The following MRTFB variants were observed in gnomAD, a reference collection of about 807,000 sequenced individuals.
The protein encoded by MRTFB is myocardin-related transcription factor B.
Under a neutral mutation model 104.2 loss-of-function variants are expected in MRTFB, and 29 were observed. The ratio of observed to expected loss-of-function variants is 0.28; its 90% CI spans 0.21 to 0.38. The LOEUF (loss-of-function observed/expected upper bound fraction) is 0.38. MRTFB is among the 10% of genes least tolerant of loss of function. The pLI is 1.00. For missense variants in MRTFB, 1,270 were observed against 1,341.6 expected, an observed-to-expected ratio of 0.95 and a Z score of 0.83; for synonymous variants, 535 against 519.5, an observed-to-expected ratio of 1.03 and a Z score of -0.41.
At chr16:13,996,699 G>T in the MRTFB span, among the ~76,000 whole-genome samples, 1 of 152,174 alleles carries the variant, frequency 6.6e-6, no homozygotes, top group African/African-American at 2.4e-5. Context: ...TGAGACAAAG[G>T]TCAAGGGGCC....
intron 2 of MRTFB, among the ~76,000 whole-genome samples, chr16:14,108,341 A>G (rs975034334): frequency 2.6e-5 from 4 of 152,242 alleles, no homozygotes; most frequent in Admixed American, 6.5e-5. Context: ...ATGAACTTCT[A>G]GCGTTCAGGA....
At chr16:14,199,555 C>CA (rs550826757) in intron 3 of MRTFB, among the ~76,000 whole-genome samples, 140 of 152,326 alleles carry the variant, frequency 9.2e-4, no homozygotes, top group Non-Finnish European at 1.7e-3. Flanking sequence ...ATGGTCTACC[C>CA]AGGTGCTTAA....
chr16:14,258,213 G>T (rs765793418), intron 16 of MRTFB, 52 bp downstream of exon 16: 3 of 1,481,904 alleles, frequency 2.0e-6, no homozygotes, highest in Non-Finnish European at 2.8e-6. Flanking sequence ...CTTAACCCAA[G>T]TTCATGAAAG....
chr16:14,248,872 T>G, intron 12 of MRTFB, 54 bp from the exon 13 acceptor site: 1 of 1,591,036 alleles, frequency 6.3e-7, no homozygotes, highest in Non-Finnish European at 8.6e-7. Flanking sequence ...AAGTTCTGAT[T>G]TCTAACTTTG....
At chr16:14,142,647 ACAG>A (rs2142617108) in intron 3 of MRTFB, 1 of 152,336 alleles carries the variant, frequency 6.6e-6, no homozygotes, top group Non-Finnish European at 1.5e-5. Context: ...TCAGATTTAC[ACAG>A]TACACTTGGA....
intron 2 of MRTFB, among the ~76,000 whole-genome samples, chr16:14,100,085 T>TA (rs1248536040): frequency 6.6e-6 from 1 of 152,248 alleles, no homozygotes; most frequent in Non-Finnish European, 1.5e-5. Flanking sequence ...GAGTGCCTGT[T>TA]ACTTATTTTT....
chr16:14,224,908 G>T (rs1411023894), intron 8 of MRTFB, among the ~76,000 whole-genome samples: 2 of 152,164 alleles, frequency 1.3e-5, no homozygotes, highest in African/African-American at 4.8e-5. Context: ...AAATTGGCTG[G>T]GCACGGTGGC....
At position 14,216,200 on chromosome 16, in the gene MRTFB, T is replaced by G. The variant is rs533227321; in HGVS notation, c.353-926T>G. Among the ~76,000 whole-genome samples the G allele has an allele frequency of 2.0e-5, 3 of 152,328 alleles. No individual in the cohort carries two copies. In the South Asian group the frequency reaches 6.2e-4, roughly 32 times the overall value. ...CCTAGCCATGTGCTTTCAGTGAGCC[T>G]TGGGCTTCACAAGAATAGTCTATTA... On this transcript the variant is annotated intron_variant, in intron 6 of 16. Coordinates refer to ENST00000571589, the MANE Select transcript of MRTFB (RefSeq NM_001308142.2).
chr16:14,006,516 A>G, the MRTFB span, among the ~76,000 whole-genome samples: 1 of 151,832 alleles, frequency 6.6e-6, no homozygotes, highest in Admixed American at 6.6e-5. Context: ...CTGTCTCAAA[A>G]AAAAAAAAAG....
chr16:14,001,491 C>G, the MRTFB span, among the ~76,000 whole-genome samples: 2 of 152,248 alleles, frequency 1.3e-5, no homozygotes, highest in African/African-American at 4.8e-5. Flanking sequence ...GCAACGAAGA[C>G]AAGCGCGGAT....
chr16:14,207,707 A>T (rs1054227755), intron 3 of MRTFB, among the ~76,000 whole-genome samples: 9 of 152,182 alleles, frequency 5.9e-5, no homozygotes, highest in African/African-American at 2.2e-4. Flanking sequence ...CTTCTCCCAT[A>T]CCATGCCCTA....
At chr16:14,215,956 C>T (rs2041403122) in intron 6 of MRTFB, among the ~76,000 whole-genome samples, 2 of 152,212 alleles carry the variant, frequency 1.3e-5, no homozygotes, top group Admixed American at 6.5e-5. Flanking sequence ...AATGACTCAA[C>T]CTTTATCAAA....
chr16:14,232,202 A>G (rs2042297765), intron 8 of MRTFB, among the ~76,000 whole-genome samples: 1 of 152,232 alleles, frequency 6.6e-6, no homozygotes, highest in African/African-American at 2.4e-5. Flanking sequence ...AAAGAAATCT[A>G]TATAGAGATC....
chr16:14,113,408 T>C (rs2036378231), intron 2 of MRTFB, among the ~76,000 whole-genome samples: 1 of 152,216 alleles, frequency 6.6e-6, no homozygotes, highest in Non-Finnish European at 1.5e-5. Context: ...ATAGCAGATG[T>C]TTATAAATAT....
chr16:14,184,617 GGCT>G, intron 3 of MRTFB, among the ~76,000 whole-genome samples: 1 of 152,072 alleles, frequency 6.6e-6, no homozygotes, highest in East Asian at 1.9e-4. Flanking sequence ...AAATAAAGTT[GGCT>G]GCTATTATTA....
chr16:14,023,606 C>CATACATATACATAT, the MRTFB span, among the ~76,000 whole-genome samples: 84 of 39,608 alleles, frequency 2.1e-3, 1 homozygote, highest in African/African-American at 8.3e-3. Context: ...CACACACACA[C>CATACATATACATAT]ACACATACAT....
At chr16:14,242,223 T>G (rs1351896961) in intron 10 of MRTFB, among the ~76,000 whole-genome samples, 1 of 152,110 alleles carries the variant, frequency 6.6e-6, no homozygotes, top group Non-Finnish European at 1.5e-5. Context: ...CGACTGGCTT[T>G]GTAGATAGGA....
intron 3 of MRTFB, among the ~76,000 whole-genome samples, chr16:14,154,329 T>C (rs891315763): frequency 1.5e-4 from 23 of 152,106 alleles, no homozygotes; most frequent in Non-Finnish European, 2.8e-4. Context: ...GCGAGACTCA[T>C]CTCCGTTTTT....
the MRTFB span, among the ~76,000 whole-genome samples, chr16:14,002,146 G>T: frequency 2.6e-5 from 4 of 152,200 alleles, no homozygotes; most frequent in Non-Finnish European, 4.4e-5. Context: ...ACTTTGGGAG[G>T]CTGAGATGGG....
Sources: gnomAD v4.1 joint callset for allele counts (sites outside exome capture counted in the v4.1 genomes callset) on GRCh38, gnomAD v4.1.1 for gene constraint, MANE v1.5 for transcripts, NCBI Gene and HGNC (gene_info 2026-07-23, HGNC 2026-07-21) for gene names.